The following PTPRT variants were observed in gnomAD, a reference collection of about 807,000 sequenced individuals.
PTPRT encodes the protein protein tyrosine phosphatase receptor type T, also known as receptor-type tyrosine-protein phosphatase T.
A neutral mutation model predicts 176.8 loss-of-function variants in PTPRT; 56 were observed. The observed-to-expected ratio is 0.32, with a 90% CI of 0.26 to 0.40. The LOEUF is 0.40. PTPRT is among the 10% of genes least tolerant of loss of function. PTPRT has a pLI of 1.00. For synonymous variants in PTPRT, 783 were observed against 739.0 expected (o/e 1.06, Z -0.96); for missense variants, 1,540 against 1,908.2 (o/e 0.81, Z 3.60).
Position 42,661,237 on chromosome 20 carries a change from C to T in PTPRT, c.1153+16629G>A, listed in dbSNP as rs73266022. On this transcript the variant is annotated intron_variant, in intron 7 of 30. Transcript: ENST00000373187. ...CTTTGCGAAGTGACTTTTAAAGGGA[C>T]ATGTAAAGGGCAATGATGAGTTAAC... Among the ~76,000 whole-genome samples the T allele has an allele frequency of 3.3e-3, 509 of 152,092 alleles. 3 individuals are homozygous for T. The highest frequency in any genetic ancestry group is 0.011 in the African/African-American group (472 of 41,506).
At chr20:42,448,890 T>A (rs773170542) in intron 8 of PTPRT, among the ~76,000 whole-genome samples, 14 of 152,082 alleles carry the variant, frequency 9.2e-5, no homozygotes, top group Non-Finnish European at 1.8e-4. Flanking sequence ...AAAAATCTCA[T>A]AACGTTGTAA....
At chr20:42,416,915 A>C (rs923026095) in intron 9 of PTPRT, among the ~76,000 whole-genome samples, 3 of 152,210 alleles carry the variant, frequency 2.0e-5, no homozygotes, top group African/African-American at 7.2e-5. Context: ...GACTTAAAAC[A>C]GGTGGATATG....
chr20:42,512,434 G>A (rs1354651892), intron 7 of PTPRT, among the ~76,000 whole-genome samples: 1 of 152,144 alleles, frequency 6.6e-6, no homozygotes, highest in Non-Finnish European at 1.5e-5. Flanking sequence ...TAATGCCTTT[G>A]AGATTCATCC....
intron 9 of PTPRT, among the ~76,000 whole-genome samples, chr20:42,362,705 T>G (rs78873251): frequency 0.026 from 3,956 of 152,274 alleles, 198 homozygotes; most frequent in African/African-American, 0.09. Context: ...TTTCAGTCAC[T>G]ATCCTGTGGT....
chr20:42,783,366 G>C (rs115027901), intron 3 of PTPRT, among the ~76,000 whole-genome samples: 14,807 of 119,860 alleles, frequency 0.12, 806 homozygotes, highest in South Asian at 0.23. Flanking sequence ...AAGGACTCTT[G>C]AGAATCAACA....
chr20:42,982,003 G>C (rs1010934111), intron 1 of PTPRT, among the ~76,000 whole-genome samples: 4 of 152,170 alleles, frequency 2.6e-5, no homozygotes, highest in Admixed American at 1.3e-4. Context: ...AGAAGACATA[G>C]GTGGGAAGAT....
intron 15 of PTPRT, among the ~76,000 whole-genome samples, chr20:42,228,994 C>A (rs2056078744): frequency 6.6e-6 from 1 of 152,088 alleles, no homozygotes; most frequent in African/African-American, 2.4e-5. Flanking sequence ...TTGGAGGGGG[C>A]CTCCAAAGTA....
chr20:42,658,690 T>A (rs1360333384), intron 7 of PTPRT, among the ~76,000 whole-genome samples: 1 of 152,226 alleles, frequency 6.6e-6, no homozygotes, highest in Non-Finnish European at 1.5e-5. Context: ...CTTGCAAATA[T>A]GAAATCTGCA....
At chr20:42,930,593 C>T (rs951109704) in intron 1 of PTPRT, among the ~76,000 whole-genome samples, 1 of 152,144 alleles carries the variant, frequency 6.6e-6, no homozygotes, top group Non-Finnish European at 1.5e-5. Context: ...AGTGATCCTC[C>T]TGCCTCAGCC....
chr20:42,646,927 C>A (rs1266661347), intron 7 of PTPRT, among the ~76,000 whole-genome samples: 1 of 102,358 alleles, frequency 9.8e-6, no homozygotes, highest in Non-Finnish European at 1.7e-5. Context: ...ATGGAGTTTG[C>A]TCTGTCGCTC....
At chr20:42,452,976 C>T (rs2070857937) in intron 8 of PTPRT, among the ~76,000 whole-genome samples, 2 of 152,224 alleles carry the variant, frequency 1.3e-5, no homozygotes, top group South Asian at 2.1e-4. Flanking sequence ...ATCTTACTAC[C>T]ATATTAAATT....
chr20:43,167,162 C>G (rs2014879269), intron 1 of PTPRT, among the ~76,000 whole-genome samples: 2 of 152,166 alleles, frequency 1.3e-5, no homozygotes, highest in Non-Finnish European at 2.9e-5. Context: ...GGCATTCAAC[C>G]CTTGTTAGCC....
At chr20:42,862,351 G>C (rs750453943) in intron 2 of PTPRT, among the ~76,000 whole-genome samples, 4 of 152,158 alleles carry the variant, frequency 2.6e-5, no homozygotes, top group Non-Finnish European at 5.9e-5. Context: ...GCAAATGTTT[G>C]CCACACAGGA....
chr20:42,120,048 C>T, intron 19 of PTPRT, 77 bp from the exon 20 acceptor site: 1 of 1,337,216 alleles, frequency 7.5e-7, no homozygotes, highest in South Asian at 1.4e-5. Context: ...TAAACATCCT[C>T]TCCAAGTCTT....
At chr20:43,159,553 T>G (rs1478678310) in intron 1 of PTPRT, among the ~76,000 whole-genome samples, 1 of 152,164 alleles carries the variant, frequency 6.6e-6, no homozygotes, top group African/African-American at 2.4e-5. Context: ...GAATTTCAAT[T>G]TCCTTTCTCC....
chr20:42,256,202 C>G (rs192166538), intron 13 of PTPRT, among the ~76,000 whole-genome samples: 10 of 152,128 alleles, frequency 6.6e-5, no homozygotes, highest in African/African-American at 2.4e-4. Context: ...TGGCTCTTCT[C>G]AAGTCAGGTA....
intron 1 of PTPRT, among the ~76,000 whole-genome samples, chr20:42,972,121 A>G (rs1394047676): frequency 6.8e-6 from 1 of 147,028 alleles, no homozygotes. Flanking sequence ...CTAAATGGCA[A>G]CAAGGAATCA....
chr20:42,571,115 T>A (rs1478725027), intron 7 of PTPRT, among the ~76,000 whole-genome samples: 1 of 152,230 alleles, frequency 6.6e-6, no homozygotes, highest in Non-Finnish European at 1.5e-5. Flanking sequence ...GCTGATGCTG[T>A]AATATTTGGT....
chr20:42,380,726 G>A (rs936843993), intron 9 of PTPRT, among the ~76,000 whole-genome samples: 10 of 152,174 alleles, frequency 6.6e-5, no homozygotes, highest in Non-Finnish European at 1.5e-4. Context: ...TGAGCTCCCC[G>A]ACAGTAGGGT....
Sources: allele counts gnomAD v4.1 joint callset (sites outside exome capture counted in the v4.1 genomes callset), GRCh38; gene constraint gnomAD v4.1.1; transcripts MANE v1.5; gene names NCBI Gene and HGNC (gene_info 2026-07-23, HGNC 2026-07-21).